Variants in KAT6A observed in about 807,000 individuals in gnomAD.
The protein encoded by KAT6A is histone acetyltransferase KAT6A.
KAT6A carries 9 observed loss-of-function variants against 198.4 expected under a neutral mutation model. That is an observed-to-expected ratio of 0.05 (90% CI 0.03 to 0.08). The LOEUF (loss-of-function observed/expected upper bound fraction) is 0.08, where lower values mean the gene tolerates loss of function less well. Ranked by LOEUF, KAT6A falls within the 10% of genes least tolerant of loss-of-function variation. The pLI, the probability that KAT6A is intolerant of heterozygous loss-of-function variation, is 1.00. For missense variants in KAT6A, 2,077 were observed against 2,509.9 expected, an observed-to-expected ratio of 0.83 and a Z score of 3.69; for synonymous variants, 890 against 883.0, an observed-to-expected ratio of 1.01 and a Z score of -0.14.
chr8:42,022,369 T>C (rs949616871), intron 2 of KAT6A, among the ~76,000 whole-genome samples: 4 of 98,782 alleles, frequency 4.0e-5, no homozygotes, highest in African/African-American at 2.1e-4. Flanking sequence ...TAAAGCAACA[T>C]AGTAACAGTT....
intron 2 of KAT6A, among the ~76,000 whole-genome samples, chr8:41,994,471 T>C (rs1026783301): frequency 1.3e-5 from 2 of 152,128 alleles, no homozygotes; most frequent in Admixed American, 6.6e-5. Context: ...CACAGGGCCT[T>C]TGCATTTGCT....
At chr8:42,022,759 A>G (rs1171429775) in intron 2 of KAT6A, among the ~76,000 whole-genome samples, 2 of 152,188 alleles carry the variant, frequency 1.3e-5, no homozygotes, top group African/African-American at 2.4e-5. Flanking sequence ...TTAATGCAGC[A>G]CTATTTGTCA....
At chr8:41,943,136 CAGAAATGTGCCACCACATG>C in intron 13 of KAT6A, 136 bp from the exon 14 acceptor site, 1 of 1,125,400 alleles carries the variant, frequency 8.9e-7, no homozygotes, top group Admixed American at 2.4e-5. Flanking sequence ...CGATGGAATG[CAGAAATGTGCCACCACATG>C]AGACGGCCAG....
intron 7 of KAT6A, among the ~76,000 whole-genome samples, chr8:41,975,642 T>C (rs1228958045): frequency 6.6e-6 from 1 of 152,196 alleles, no homozygotes; most frequent in Non-Finnish European, 1.5e-5. Flanking sequence ...AAAGGTACTA[T>C]GTGACTTTAA....
At chr8:41,990,254 G>C (rs901654338) in intron 2 of KAT6A, among the ~76,000 whole-genome samples, 1 of 152,150 alleles carries the variant, frequency 6.6e-6, no homozygotes, top group Non-Finnish European at 1.5e-5. Flanking sequence ...TATAATCCAG[G>C]CCATGAGCAA....
Position 41,931,991 on chromosome 8 carries a change from T to A in KAT6A, c.*214A>T. 2.5e-6 allele frequency: 1 copy of A among 407,440 alleles called. No individual in the cohort carries two copies. Among genetic ancestry groups the A allele is most frequent in the Non-Finnish European group, 4.2e-6 (1 of 240,346 alleles). The allele number at this position is 407,440 out of a possible 1,614,324, so 25.2% of individuals were successfully genotyped here. ...TTTAGATGAGTTCTACTGTAAAATG[T>A]TCAAGATTGTGAAGAAAACCAAAAC... is the stretch of plus-strand genomic sequence containing the variant. On this transcript the variant is annotated 3_prime_UTR_variant, in exon 17 of 17. Coordinates refer to ENST00000265713, the MANE Select transcript of KAT6A (RefSeq NM_006766.5).
chr8:41,943,613 GA>G (rs1013682130), intron 13 of KAT6A, 134 bp downstream of exon 13: 16 of 633,086 alleles, frequency 2.5e-5, no homozygotes, highest in African/African-American at 2.0e-4. Context: ...TCCTAGAAAG[GA>G]AAATGATATC....
Position 41,947,734 on chromosome 8 carries a change from T to G in KAT6A, c.1902+17A>C. On this transcript the variant is annotated intron_variant, in intron 11 of 16. Transcript: ENST00000265713. Reference sequence around the variant, plus strand: ...TTTCTATATGAGTTCAAACAAACTTTAAGCTGACATACTTACCTTAGAAAA... The same window carrying G: ...TTTCTATATGAGTTCAAACAAACTTGAAGCTGACATACTTACCTTAGAAAA... The G allele has an allele frequency of 6.3e-7, 1 of 1,577,924 alleles. No individual in the cohort carries two copies. The highest frequency in any genetic ancestry group is 8.6e-7 in the Non-Finnish European group (1 of 1,168,882).
In KAT6A at chr8:41,934,410, C is replaced by T; in HGVS notation, c.3810G>A (p.Val1270=). The T allele has an allele frequency of 6.2e-7, 1 of 1,612,558 alleles. No homozygotes were observed. Among genetic ancestry groups the T allele is most frequent in the Non-Finnish European group, 8.5e-7 (1 of 1,179,220 alleles). ...CACGGGGCTTCTCTTCTTCCTCCTCCACCTCAGGCTCCTTGGTTTCGGTCT... is the reference window on the plus strand; with the variant it reads ...CACGGGGCTTCTCTTCTTCCTCCTCTACCTCAGGCTCCTTGGTTTCGGTCT... ...SPETETKEPE[V]EEEEEKPRVS... Residue 1270 remains valine, a synonymous_variant, in exon 17 of 17, where the codon GTG becomes GTA. Transcript: ENST00000265713.
intron 10 of KAT6A, among the ~76,000 whole-genome samples, chr8:41,948,359 G>A (rs1400591217): frequency 2.0e-5 from 3 of 152,164 alleles, no homozygotes. Context: ...AATGCAATCT[G>A]ACTACCATGA....
intron 3 of KAT6A, among the ~76,000 whole-genome samples, chr8:41,982,731 C>T (rs1320768142): frequency 6.6e-6 from 1 of 152,152 alleles, no homozygotes; most frequent in Non-Finnish European, 1.5e-5. Flanking sequence ...TGGAGTCACC[C>T]TTATTTTACT....
chr8:42,051,687 A>G (rs1802665699), intron 1 of KAT6A, among the ~76,000 whole-genome samples: 1 of 144,462 alleles, frequency 6.9e-6, no homozygotes, highest in African/African-American at 2.5e-5. Flanking sequence ...GGCGCCGAAC[A>G]AGCGAGCAAG....
Position 41,942,409 on chromosome 8 carries a change from G to A in KAT6A, c.2436+384C>T, listed in dbSNP as rs142586517. The A allele has an allele frequency of 1.1e-5, 3 of 269,472 alleles. No individual in the cohort carries two copies. In the East Asian group the frequency reaches 1.6e-4, roughly 15 times the overall value. The allele number at this position is 269,472 out of a possible 1,614,324, so 16.7% of individuals were successfully genotyped here. Reference sequence around the variant, plus strand: ...AATCCTCCCGCCTGGGCCTCCTAAAGCGCTGAGATTACAGGCATGAAACAC... The same window carrying A: ...AATCCTCCCGCCTGGGCCTCCTAAAACGCTGAGATTACAGGCATGAAACAC... On this transcript the variant is annotated intron_variant, in intron 14 of 16. Coordinates refer to ENST00000265713, the MANE Select transcript of KAT6A (RefSeq NM_006766.5).
chr8:41,994,934 T>A (rs935436420), intron 2 of KAT6A, among the ~76,000 whole-genome samples: 1 of 151,976 alleles, frequency 6.6e-6, no homozygotes, highest in East Asian at 1.9e-4. Flanking sequence ...CAGGCACCTG[T>A]AATCCCAGCT....
intron 2 of KAT6A, among the ~76,000 whole-genome samples, chr8:42,004,237 A>C (rs1825633938): frequency 6.6e-6 from 1 of 152,232 alleles, no homozygotes; most frequent in African/African-American, 2.4e-5. Flanking sequence ...GCATATGCTA[A>C]GTAACAAACA....
chr8:41,975,819 T>A (rs943239985), intron 7 of KAT6A, among the ~76,000 whole-genome samples: 1 of 152,228 alleles, frequency 6.6e-6, no homozygotes, highest in South Asian at 2.1e-4. Context: ...TAACAATTTC[T>A]ATTTCAAAAG....
chr8:41,960,351 C>T (rs958488424), intron 8 of KAT6A, among the ~76,000 whole-genome samples: 1 of 151,678 alleles, frequency 6.6e-6, no homozygotes, highest in Non-Finnish European at 1.5e-5. Flanking sequence ...AGGCCAAGGC[C>T]GGCGGATCAC....
rs1822117250 is a variant in KAT6A at position 41,941,308 on chromosome 8, G to T, written c.2573C>A (p.Ala858Glu). 1 of 1,613,640 alleles carries T rather than the reference G, an allele frequency of 6.2e-7. No homozygotes were observed. The highest frequency in any genetic ancestry group is 2.2e-5 in the East Asian group (1 of 44,876). Residue 858 changes from alanine to glutamate, a missense_variant, in exon 15 of 17, where the codon GCA becomes GAA. Coordinates refer to ENST00000265713, the MANE Select transcript of KAT6A (RefSeq NM_006766.5). ...KQVLPHDSLPANSQPSRRGRW... is the reference protein window; with the variant it reads ...KQVLPHDSLPENSQPSRRGRW... ...GCCCCTCCGAGATGGCTGGCTATTTGCAGGAAGACTATCATGAGGAAGGAC... is the reference window on the plus strand; with the variant it reads ...GCCCCTCCGAGATGGCTGGCTATTTTCAGGAAGACTATCATGAGGAAGGAC...
chr8:41,982,382 G>C (rs1480202584), intron 3 of KAT6A, among the ~76,000 whole-genome samples: 1 of 152,028 alleles, frequency 6.6e-6, no homozygotes, highest in African/African-American at 2.4e-5. Flanking sequence ...ATATCAAGAA[G>C]GATTTTATGT....
Sources: gnomAD v4.1 joint callset for allele counts (sites outside exome capture counted in the v4.1 genomes callset) on GRCh38, gnomAD v4.1.1 for gene constraint, MANE v1.5 for transcripts, NCBI Gene and HGNC (gene_info 2026-07-23, HGNC 2026-07-21) for gene names.